ANKRD26: variants seen among roughly 807,000 people sequenced by gnomAD.
ANKRD26 encodes the protein ankyrin repeat domain-containing protein 26.
A neutral mutation model predicts 208.7 loss-of-function variants in ANKRD26; 141 were observed. The observed-to-expected ratio is 0.68, with a 90% CI of 0.59 to 0.78. The LOEUF (loss-of-function observed/expected upper bound fraction) is 0.78. Among genes scored for constraint, ANKRD26 ranks in the 30% least tolerant of loss-of-function variants. The pLI is 0.00. For synonymous variants in ANKRD26, 636 were observed against 660.4 expected (o/e 0.96, Z 0.57); for missense variants, 1,889 against 1,938.7 (o/e 0.97, Z 0.48).
At chr10:26,954,773 T>C in the ANKRD26 span, among the ~76,000 whole-genome samples, 2 of 152,122 alleles carry the variant, frequency 1.3e-5, no homozygotes, top group Non-Finnish European at 2.9e-5. Flanking sequence ...AGATATGTTC[T>C]GAGAATCTAA....
downstream of ANKRD26, among the ~76,000 whole-genome samples, chr10:26,988,748 T>C (rs1288870629): frequency 6.6e-6 from 1 of 151,944 alleles, no homozygotes; most frequent in Non-Finnish European, 1.5e-5. Context: ...AGATCCTGTA[T>C]AAATCTCCAT....
chr10:27,035,036 T>G lies in ANKRD26; in HGVS notation c.3414A>C (p.Gln1138His), dbSNP rs780990101. ...KQESVEERLSQLQSENMLLRQ... is the reference protein window; with the variant it reads ...KQESVEERLSHLQSENMLLRQ... ...GAAGCAACATATTCTCACTTTGTAG[T>G]TGAGACAATCTCTCCTCTACAGACT... is the stretch of plus-strand genomic sequence containing the variant. Residue 1138 changes from glutamine to histidine, a missense_variant, in exon 24 of 34, where the codon CAA becomes CAC. Coordinates refer to ENST00000376087, the MANE Select transcript of ANKRD26 (RefSeq NM_014915.3). 4.3e-6 allele frequency: 7 copies of G among 1,613,934 alleles called. No individual in the cohort carries two copies. Among genetic ancestry groups the G allele is most frequent in the Non-Finnish European group, 5.9e-6 (7 of 1,179,886 alleles).
intron 1 of ANKRD26, among the ~76,000 whole-genome samples, chr10:27,099,665 G>A (rs1430956629): frequency 6.6e-6 from 1 of 152,178 alleles, no homozygotes; most frequent in Admixed American, 6.5e-5. Flanking sequence ...ACAGGCGCGA[G>A]CCACCGCGCC....
intron 15 of ANKRD26, among the ~76,000 whole-genome samples, chr10:27,054,568 C>A (rs1402289853): frequency 6.6e-6 from 1 of 152,060 alleles, no homozygotes; most frequent in Non-Finnish European, 1.5e-5. Flanking sequence ...GAGACTCCAT[C>A]ACACACACAA....
rs1464360600 is a variant in ANKRD26, at chr10:27,017,761, G to A, written c.4247C>T (p.Ala1416Val). The change falls in exon 30 of 34, where the codon GCA becomes GTA. Residue 1416 changes from alanine (A) to valine (V), a missense_variant. Ala to Val is a moderately conservative substitution (Grantham distance 64). This residue lies in a region of ANKRD26 where 613 missense variants were observed against 648.2 expected (regional missense o/e 0.95). Transcript: ENST00000376087. ...ATCCAGATGTAGACATTTTGAACCT[G>A]CAGTCTCCAGTTCTGCTGTAAGATC... ...IDDLTAELETAGSKCLHLDTK... is the reference protein window; with the variant it reads ...IDDLTAELETVGSKCLHLDTK... 1.2e-6 allele frequency: 2 copies of A among 1,612,930 alleles called. No individual in the cohort carries two copies. The highest frequency in any genetic ancestry group is 1.3e-5 in the African/African-American group (1 of 75,010).
rs2054101579 is a variant in ANKRD26 at position 27,038,049 on chromosome 10, C to G, written c.2381G>C (p.Ser794Thr). 1.2e-6 allele frequency: 2 copies of G among 1,608,262 alleles called. No individual in the cohort carries two copies. Among genetic ancestry groups the G allele is most frequent in the Non-Finnish European group, 1.7e-6 (2 of 1,178,970 alleles). The change falls in exon 22 of 34, where the codon AGC (serine) becomes ACC (threonine). Residue 794 changes from serine to threonine, a missense_variant. Transcript: ENST00000376087. ...WERELCSLRF[S>T]LNQEEEKRRN... ...TCTCTTCTCTTCTTCTTGGTTTAAG[C>G]TAAATCTGCAGTTAAATATGTTTAT... is the stretch of plus-strand genomic sequence containing the variant.
chr10:27,081,906 C>T (rs895241438), intron 6 of ANKRD26, among the ~76,000 whole-genome samples: 6 of 151,822 alleles, frequency 4.0e-5, no homozygotes, highest in Non-Finnish European at 7.4e-5. Flanking sequence ...CTGGCTAATT[C>T]TTTGTATTTT....
intron 20 of ANKRD26, among the ~76,000 whole-genome samples, 166 bp from the exon 21 acceptor site, chr10:27,040,344 C>A (rs975480071): frequency 1.3e-5 from 2 of 152,164 alleles, no homozygotes; most frequent in Non-Finnish European, 2.9e-5. Flanking sequence ...AAGACCTCTG[C>A]ACTTGCTTAG....
At chr10:27,061,323 T>C in intron 12 of ANKRD26, 81 bp from the exon 13 acceptor site, 1 of 858,544 alleles carries the variant, frequency 1.2e-6, no homozygotes. Flanking sequence ...GAATTAGATA[T>C]TAATAACATT....
intron 32 of ANKRD26, among the ~76,000 whole-genome samples, chr10:27,010,113 T>C (rs924696545): frequency 3.3e-5 from 5 of 152,210 alleles, no homozygotes; most frequent in Admixed American, 6.5e-5. Flanking sequence ...TTATGTAATA[T>C]AGTTTCATGC....
In ANKRD26 at chr10:27,062,217, T is replaced by A. The variant is rs1197772260; in HGVS notation, c.1364-975A>T. ...TTTCCTCTTCATTTAACAATAGTTATCTTATATCTACAATTTCTATTTCTC... is the reference window on the plus strand; with the variant it reads ...TTTCCTCTTCATTTAACAATAGTTAACTTATATCTACAATTTCTATTTCTC... On this transcript the variant is annotated intron_variant, in intron 12 of 33. Coordinates refer to ENST00000376087, the MANE Select transcript of ANKRD26 (RefSeq NM_014915.3). The A allele has an allele frequency of 4.1e-6, 4 of 978,598 alleles. No homozygotes were observed. The African/African-American group carries it at 7.0e-5, about 17-fold the overall frequency. 60.6% of individuals were successfully genotyped at this position (978,598 alleles called of 1,614,324 possible).
At chr10:27,024,410 T>C (rs762199969) in intron 28 of ANKRD26, 37 bp downstream of exon 28, 3 of 1,123,820 alleles carry the variant, frequency 2.7e-6, no homozygotes, top group Non-Finnish European at 4.0e-6. Context: ...AATCAATTAA[T>C]GAATGGTTAA....
chr10:26,988,891 A>AG (rs2052437020), downstream of ANKRD26, among the ~76,000 whole-genome samples: 1 of 151,678 alleles, frequency 6.6e-6, no homozygotes, highest in Non-Finnish European at 1.5e-5. Context: ...AAAAAAAAAA[A>AG]AAAATGTATC....
At chr10:26,989,998 G>T (rs1028816487), downstream of ANKRD26, among the ~76,000 whole-genome samples, 1 of 152,146 alleles carries the variant, frequency 6.6e-6, no homozygotes, top group Non-Finnish European at 1.5e-5. Context: ...TATCTAAGTT[G>T]TTTGTTGGCC....
chr10:27,019,648 T>C (rs555829932), intron 29 of ANKRD26, among the ~76,000 whole-genome samples: 103 of 152,050 alleles, frequency 6.8e-4, no homozygotes, highest in African/African-American at 2.4e-3. Context: ...GAGAAAAAAC[T>C]TTCTCCTCAA....
chr10:26,955,485 A>ATG, the ANKRD26 span, among the ~76,000 whole-genome samples: 2 of 152,014 alleles, frequency 1.3e-5, no homozygotes, highest in South Asian at 2.1e-4. Flanking sequence ...ATGTGTATAT[A>ATG]TGTGTGTGTA....
intron 11 of ANKRD26, among the ~76,000 whole-genome samples, chr10:27,066,019 C>T (rs1312187229): frequency 6.6e-6 from 1 of 151,746 alleles, no homozygotes; most frequent in African/African-American, 2.4e-5. Flanking sequence ...CACGCCACCA[C>T]ACCCAACTAA....
At chr10:27,032,891 G>A (rs1167634447) in intron 25 of ANKRD26, among the ~76,000 whole-genome samples, 5 of 150,914 alleles carry the variant, frequency 3.3e-5, no homozygotes, top group Non-Finnish European at 7.4e-5. Context: ...CTAACACGGT[G>A]AAACCTCGTC....
chr10:26,972,023 C>T (rs947320231), downstream of ANKRD26, among the ~76,000 whole-genome samples: 10 of 152,108 alleles, frequency 6.6e-5, no homozygotes, highest in Admixed American at 6.5e-5. Context: ...ATCACAAAGT[C>T]AGGAGATCGA....
Sources: allele counts gnomAD v4.1 joint callset (sites outside exome capture counted in the v4.1 genomes callset), GRCh38; gene constraint gnomAD v4.1.1; regional missense constraint gnomAD v4.1.1; transcripts MANE v1.5; gene names NCBI Gene and HGNC (gene_info 2026-07-23, HGNC 2026-07-21).